CFAP58: variants seen among roughly 807,000 people sequenced by gnomAD.
CFAP58 encodes cilia- and flagella-associated protein 58.
A neutral mutation model predicts 119.5 loss-of-function variants in CFAP58; 88 were observed. The observed-to-expected ratio is 0.74, with a 90% CI of 0.62 to 0.88. CFAP58 has a LOEUF of 0.88. Among genes scored for constraint, CFAP58 ranks in the 40% least tolerant of loss-of-function variants. CFAP58 has a pLI of 0.00. For missense variants in CFAP58, 990 were observed against 1,021.2 expected (o/e 0.97, Z 0.42); for synonymous variants, 365 against 366.3 (o/e 1.00, Z 0.04).
At chr10:104,392,451 C>A in intron 10 of CFAP58, 57 bp downstream of exon 10, 1 of 1,265,156 alleles carries the variant, frequency 7.9e-7, no homozygotes, top group South Asian at 1.6e-5. Flanking sequence ...GCATTTAAAA[C>A]AGTTTCTGTT....
rs79737623 is a variant in CFAP58 at position 104,451,911 on chromosome 10, G to A, written c.2510+1707G>A. ...GCCCAGCTAATTTTTTTTTTTTTTT[G>A]TATTTTTAGTAGAGACAGTGTTTTG... On this transcript the variant is annotated intron_variant, in intron 17 of 17. Transcript: ENST00000369704. Among the ~76,000 whole-genome samples, 1,146 of 116,006 alleles carry A rather than the reference G, an allele frequency of 9.9e-3. 9 individuals are homozygous for A. The highest frequency in any genetic ancestry group is 0.033 in the Middle Eastern group (8 of 240). The allele number at this position is 116,006 out of a possible 152,430, so 76.1% of individuals were successfully genotyped here.
chr10:104,363,005 C>T (rs2014692557), intron 3 of CFAP58, among the ~76,000 whole-genome samples: 1 of 152,154 alleles, frequency 6.6e-6, no homozygotes, highest in Non-Finnish European at 1.5e-5. Flanking sequence ...TCCATTCTCC[C>T]CATGGTCAAC....
chr10:104,416,702 T>C (rs1387379262), intron 15 of CFAP58, among the ~76,000 whole-genome samples: 1 of 152,208 alleles, frequency 6.6e-6, no homozygotes, highest in Non-Finnish European at 1.5e-5. Context: ...ATAGGTATTA[T>C]CTCATTTAAT....
Position 104,393,390 on chromosome 10 carries a change from A to C in CFAP58, c.1589A>C (p.Lys530Thr). 1 of 1,614,054 alleles carries C rather than the reference A, an allele frequency of 6.2e-7. No individual in the cohort carries two copies. The highest frequency in any genetic ancestry group is 1.1e-5 in the South Asian group (1 of 91,084). The change falls in exon 11 of 18, where the codon AAA (lysine) becomes ACA (threonine). Residue 530 changes from lysine (K) to threonine (T), a missense_variant. Transcript: ENST00000369704. ...ATGATCCATCAGGTAGATGAGCTGA[A>C]AGAAGACATCTCTGCCAAAGAGTCC... ...KIMIHQVDELKEDISAKESAL... is the reference protein window; with the variant it reads ...KIMIHQVDELTEDISAKESAL...
intron 16 of CFAP58, 98 bp downstream of exon 16, chr10:104,447,915 C>G: frequency 7.1e-7 from 1 of 1,400,696 alleles, no homozygotes; most frequent in South Asian, 1.5e-5. Flanking sequence ...GAGCCAGTCT[C>G]TCAATGCCAC....
chr10:104,412,820 G>C (rs957452953), intron 15 of CFAP58, among the ~76,000 whole-genome samples: 1 of 152,132 alleles, frequency 6.6e-6, no homozygotes, highest in Non-Finnish European at 1.5e-5. Context: ...ACAGTACTGG[G>C]CACACAGATG....
chr10:104,409,698 G>A (rs954917181), intron 15 of CFAP58, among the ~76,000 whole-genome samples: 12 of 151,834 alleles, frequency 7.9e-5, no homozygotes, highest in Non-Finnish European at 1.3e-4. Context: ...TGCTCCTTTC[G>A]TATTATGTAA....
intron 1 of CFAP58, among the ~76,000 whole-genome samples, chr10:104,358,015 ATG>A (rs1223837756): frequency 1.5e-5 from 2 of 129,926 alleles, no homozygotes; most frequent in South Asian, 4.6e-4. Context: ...ATACACATAT[ATG>A]TACATATATA....
intron 15 of CFAP58, among the ~76,000 whole-genome samples, chr10:104,420,876 C>T (rs903615863): frequency 1.1e-4 from 17 of 151,756 alleles, no homozygotes; most frequent in African/African-American, 3.9e-4. Context: ...CCTCAGCCTC[C>T]TGAGTAGCTG....
chr10:104,434,115 C>T (rs2012893566), intron 15 of CFAP58, among the ~76,000 whole-genome samples: 1 of 152,184 alleles, frequency 6.6e-6, no homozygotes, highest in South Asian at 2.1e-4. Flanking sequence ...CCTCTGTTTC[C>T]TCTGCTGTGA....
the CFAP58 span, among the ~76,000 whole-genome samples, chr10:104,347,907 C>T: frequency 6.6e-6 from 1 of 152,114 alleles, no homozygotes; most frequent in East Asian, 1.9e-4. Context: ...TGTGGATTCC[C>T]CTCATTTATT....
chr10:104,357,932 CACACAT>C (rs2014595060), intron 1 of CFAP58, among the ~76,000 whole-genome samples: 6 of 107,376 alleles, frequency 5.6e-5, no homozygotes, highest in African/African-American at 2.0e-4. Context: ...TACACATATA[CACACAT>C]ATATGTACAC....
At chr10:104,447,206 C>T (rs577799604) in intron 15 of CFAP58, among the ~76,000 whole-genome samples, 36 of 151,584 alleles carry the variant, frequency 2.4e-4, no homozygotes, top group Admixed American at 1.1e-3. Context: ...TAAATAGAAC[C>T]GGGGTCTCAC....
chr10:104,364,417 A>C (rs2014713205), intron 3 of CFAP58, among the ~76,000 whole-genome samples: 1 of 137,550 alleles, frequency 7.3e-6, no homozygotes, highest in Admixed American at 7.8e-5. Context: ...CTCTGTAAAA[A>C]TGTCTGTAAA....
chr10:104,402,529 G>A (rs2012283816), intron 13 of CFAP58, among the ~76,000 whole-genome samples: 1 of 152,200 alleles, frequency 6.6e-6, no homozygotes, highest in Non-Finnish European at 1.5e-5. Context: ...TATTGCCCAT[G>A]TCAATGCAAG....
chr10:104,340,676 G>A, the CFAP58 span, among the ~76,000 whole-genome samples: 2 of 152,174 alleles, frequency 1.3e-5, no homozygotes, highest in Non-Finnish European at 2.9e-5. Flanking sequence ...AACAACGGAA[G>A]GGAAGAAAGG....
intron 15 of CFAP58, among the ~76,000 whole-genome samples, chr10:104,439,416 G>A (rs2012997083): frequency 1.3e-5 from 2 of 151,802 alleles, no homozygotes; most frequent in Admixed American, 6.6e-5. Flanking sequence ...ATTTTAATTG[G>A]GGTTTACTGG....
chr10:104,416,440 G>A (rs1198505554), intron 15 of CFAP58, among the ~76,000 whole-genome samples: 1 of 152,154 alleles, frequency 6.6e-6, no homozygotes, highest in Non-Finnish European at 1.5e-5. Flanking sequence ...GCCCTTTCAA[G>A]GTGAACTTTC....
chr10:104,344,527 T>A, the CFAP58 span, among the ~76,000 whole-genome samples: 1 of 152,218 alleles, frequency 6.6e-6, no homozygotes, highest in African/African-American at 2.4e-5. Context: ...ATGTGGCCCG[T>A]GAAGCCCAAA....
Sources: allele counts gnomAD v4.1 joint callset (sites outside exome capture counted in the v4.1 genomes callset), GRCh38; gene constraint gnomAD v4.1.1; transcripts MANE v1.5; gene names NCBI Gene and HGNC (gene_info 2026-07-23, HGNC 2026-07-21).